The following OXR1 variants were observed in gnomAD, a reference collection of about 807,000 sequenced individuals.
OXR1 encodes oxidation resistance protein 1.
Under a neutral mutation model 104.6 loss-of-function variants are expected in OXR1, and 41 were observed. That is an observed-to-expected ratio of 0.39 (90% CI 0.31 to 0.51). The LOEUF (loss-of-function observed/expected upper bound fraction) is 0.51, where lower values mean the gene tolerates loss of function less well. Among genes scored for constraint, OXR1 ranks in the 20% least tolerant of loss-of-function variants. The pLI, the probability that OXR1 is intolerant of heterozygous loss-of-function variation, is 0.77. For missense variants in OXR1, 955 were observed against 1,031.9 expected, an observed-to-expected ratio of 0.93 and a Z score of 1.02; for synonymous variants, 348 against 348.4, an observed-to-expected ratio of 1.00 and a Z score of 0.01.
chr8:106,496,194 A>G (rs1314034098), intron 2 of OXR1, among the ~76,000 whole-genome samples: 3 of 152,114 alleles, frequency 2.0e-5, no homozygotes, highest in Non-Finnish European at 2.9e-5. Context: ...TAATCCCTGG[A>G]CCAATAATAT....
At chr8:106,693,006 G>C in intron 7 of OXR1, 129 bp downstream of exon 7, 1 of 569,310 alleles carries the variant, frequency 1.8e-6, no homozygotes, top group Non-Finnish European at 2.9e-6. Flanking sequence ...AGGTACTAGT[G>C]ATACTATTAT....
chr8:106,712,828 G>T (rs1831835217), intron 10 of OXR1, among the ~76,000 whole-genome samples: 1 of 151,936 alleles, frequency 6.6e-6, no homozygotes, highest in Non-Finnish European at 1.5e-5. Flanking sequence ...AATGAGAAAT[G>T]TAACTATATT....
At chr8:106,712,005 C>G (rs761568081) in intron 10 of OXR1, among the ~76,000 whole-genome samples, 2 of 151,998 alleles carry the variant, frequency 1.3e-5, no homozygotes, top group Non-Finnish European at 2.9e-5. Flanking sequence ...TAGACCTTTC[C>G]TATATCCATT....
intron 3 of OXR1, among the ~76,000 whole-genome samples, chr8:106,598,332 T>C (rs1819682500): frequency 6.6e-6 from 1 of 152,208 alleles, no homozygotes; most frequent in African/African-American, 2.4e-5. Context: ...GACTCACTTC[T>C]GCTAACTTCA....
At chr8:106,470,229 A>C (rs538749935) in intron 2 of OXR1, among the ~76,000 whole-genome samples, 1 of 151,926 alleles carries the variant, frequency 6.6e-6, no homozygotes, top group East Asian at 1.9e-4. Context: ...GTAAATACTA[A>C]ATTTTCTCAT....
intron 3 of OXR1, among the ~76,000 whole-genome samples, chr8:106,656,821 TAAAAAA>T (rs79415263): frequency 4.2e-5 from 5 of 118,816 alleles, no homozygotes; most frequent in African/African-American, 1.5e-4. Flanking sequence ...GTCAACCAGT[TAAAAAA>T]AAAAAAAAAA....
chr8:106,357,151 T>C (rs1264503684), intron 1 of OXR1, among the ~76,000 whole-genome samples: 4 of 152,048 alleles, frequency 2.6e-5, no homozygotes, highest in African/African-American at 9.7e-5. Flanking sequence ...GAATTAAATA[T>C]ATCTAGAAGA....
At chr8:106,712,070 C>T (rs1831749561) in intron 10 of OXR1, among the ~76,000 whole-genome samples, 1 of 152,030 alleles carries the variant, frequency 6.6e-6, no homozygotes, top group South Asian at 2.1e-4. Context: ...ATCAGTTCTG[C>T]CTCTCCCTTT....
intron 6 of OXR1, among the ~76,000 whole-genome samples, chr8:106,691,619 C>CATATAT (rs35095319): frequency 0.012 from 1,734 of 140,944 alleles, 18 homozygotes; most frequent in Admixed American, 0.032. Flanking sequence ...CATATATATA[C>CATATAT]ATATATATAT....
chr8:106,600,479 G>A (rs112720799), intron 3 of OXR1, among the ~76,000 whole-genome samples: 17 of 152,124 alleles, frequency 1.1e-4, no homozygotes, highest in African/African-American at 4.1e-4. Context: ...GAATTTTGGG[G>A]GACTGTCAAG....
At chr8:106,433,216 G>T (rs1452650550) in intron 2 of OXR1, among the ~76,000 whole-genome samples, 3 of 152,094 alleles carry the variant, frequency 2.0e-5, no homozygotes, top group Non-Finnish European at 4.4e-5. Context: ...AATCATAGGG[G>T]GCCAAAGTTA....
intron 1 of OXR1, among the ~76,000 whole-genome samples, chr8:106,325,325 A>C (rs181082730): frequency 8.6e-4 from 131 of 152,348 alleles, no homozygotes; most frequent in Non-Finnish European, 1.5e-3. Context: ...AATAATCTGC[A>C]TGTGTTCTCC....
At chr8:106,467,278 G>A (rs931341171) in intron 2 of OXR1, among the ~76,000 whole-genome samples, 11 of 151,748 alleles carry the variant, frequency 7.2e-5, no homozygotes, top group African/African-American at 2.7e-4. Flanking sequence ...GGGCTTTTTT[G>A]TACTAATATT....
chr8:106,683,412 T>C, intron 5 of OXR1, 106 bp downstream of exon 5: 1 of 518,940 alleles, frequency 1.9e-6, no homozygotes, highest in East Asian at 2.9e-5. Context: ...AGAATAATTT[T>C]ATATGTGCTT....
rs918223289 is a variant in OXR1, at chr8:106,671,777, T to A, written c.221-7433T>A. On this transcript the variant is annotated intron_variant, in intron 3 of 16. Coordinates refer to ENST00000517566, the MANE Select transcript of OXR1 (RefSeq NM_001198533.2). ...GGTGGGAATTGAAGAACGAGAACAC[T>A]TGGACACAGGAAGGGGAACATCACA... 8.5e-5 allele frequency among the ~76,000 whole-genome samples: 11 copies of A among 129,964 alleles called. No homozygotes were observed. In the East Asian group the frequency reaches 2.2e-3, roughly 27 times the overall value. 85.3% of individuals were successfully genotyped at this position (129,964 alleles called of 152,430 possible).
chr8:106,401,075 A>G (rs1329490059), intron 2 of OXR1, among the ~76,000 whole-genome samples: 1 of 152,122 alleles, frequency 6.6e-6, no homozygotes, highest in African/African-American at 2.4e-5. Context: ...TTTATCACCA[A>G]TTTTTCAATC....
chr8:106,358,328 C>CT (rs1419046895), intron 1 of OXR1, among the ~76,000 whole-genome samples: 1 of 152,096 alleles, frequency 6.6e-6, no homozygotes, highest in Non-Finnish European at 1.5e-5. Context: ...TATTTAGTGG[C>CT]TTTTTCTTAA....
At chr8:106,737,464 T>G in intron 11 of OXR1, 56 bp from the exon 12 acceptor site, 3 of 404,828 alleles carry the variant, frequency 7.4e-6, no homozygotes, top group African/African-American at 2.1e-5. Flanking sequence ...TTTTTTTTTT[T>G]TTGCTGTTTT....
At chr8:106,637,814 T>C (rs1250179594) in intron 3 of OXR1, among the ~76,000 whole-genome samples, 4 of 146,474 alleles carry the variant, frequency 2.7e-5, no homozygotes, top group Non-Finnish European at 5.9e-5. Flanking sequence ...CAGGCTGGAG[T>C]GCTGTGGCGC....
Sources: allele counts gnomAD v4.1 joint callset (sites outside exome capture counted in the v4.1 genomes callset), GRCh38; gene constraint gnomAD v4.1.1; transcripts MANE v1.5; gene names NCBI Gene and HGNC (gene_info 2026-07-23, HGNC 2026-07-21).